The following ENPP3 variants were observed in gnomAD, a reference collection of about 807,000 sequenced individuals.
The protein encoded by ENPP3 is ectonucleotide pyrophosphatase/phosphodiesterase 3, also known as ectonucleotide pyrophosphatase/phosphodiesterase family member 3.
In ENPP3, 104 loss-of-function variants were observed where a neutral mutation model predicts 117.8. The ratio of observed to expected loss-of-function variants is 0.88; its 90% CI spans 0.75 to 1.04. ENPP3 has a LOEUF of 1.04. Among genes scored for constraint, ENPP3 ranks in the 50% least tolerant of loss-of-function variants. ENPP3 has a pLI of 0.00. For synonymous variants in ENPP3, 380 were observed against 349.9 expected, an observed-to-expected ratio of 1.09 and a Z score of -0.96; for missense variants, 1,026 against 1,051.9, an observed-to-expected ratio of 0.98 and a Z score of 0.34.
At chr6:131,682,077 C>T (rs1779033998) in intron 11 of ENPP3, among the ~76,000 whole-genome samples, 1 of 152,156 alleles carries the variant, frequency 6.6e-6, no homozygotes, top group Non-Finnish European at 1.5e-5. Context: ...AGGTGATCCA[C>T]CTGCCTCAGC....
intron 1 of ENPP3, chr6:131,638,522 G>C (rs886916603): frequency 1.1e-5 from 5 of 451,172 alleles, no homozygotes; most frequent in Non-Finnish European, 2.2e-5. Context: ...TCCTGCCTCA[G>C]CCTCCTGAGT....
chr6:131,679,054 T>C (rs1778958839), intron 11 of ENPP3, among the ~76,000 whole-genome samples: 7 of 129,458 alleles, frequency 5.4e-5, no homozygotes, highest in African/African-American at 1.7e-4. Flanking sequence ...TCTTTCTTTC[T>C]TTCTTTCTTT....
In ENPP3 at chr6:131,740,303, C is replaced by G. The variant is rs1453252473; in HGVS notation, c.2380C>G (p.Pro794Ala). 6 of 1,613,276 alleles carry G rather than the reference C, an allele frequency of 3.7e-6. 1 individual carries two copies. The South Asian group carries it at 6.6e-5, about 18-fold the overall frequency. ...CAGTTGTAAAAACAAGAGCCACACA[C>G]CGGAAAACTGCCCTGGGTGGCTGGA... ...LTSCKNKSHTPENCPGWLDVL... is the reference protein window; with the variant it reads ...LTSCKNKSHTAENCPGWLDVL... Residue 794 changes from proline (P) to alanine (A), a missense_variant, in exon 24 of 25, where the codon CCG (proline) becomes GCG (alanine). Coordinates refer to ENST00000357639, the MANE Select transcript of ENPP3 (RefSeq NM_005021.5).
intron 24 of ENPP3, among the ~76,000 whole-genome samples, chr6:131,745,153 A>G (rs995983737): frequency 3.9e-5 from 6 of 151,990 alleles, no homozygotes; most frequent in African/African-American, 9.7e-5. Flanking sequence ...AATGTTATGG[A>G]AAAAAAAGTG....
chr6:131,733,516 G>T, intron 20 of ENPP3, 72 bp from the exon 21 acceptor site: 1 of 1,498,524 alleles, frequency 6.7e-7, no homozygotes, highest in Non-Finnish European at 9.0e-7. Flanking sequence ...TTCTAGGGAA[G>T]TGACAAACCA....
At chr6:131,712,588 G>A (rs1779811606) in intron 15 of ENPP3, among the ~76,000 whole-genome samples, 1 of 129,222 alleles carries the variant, frequency 7.7e-6, no homozygotes, top group Non-Finnish European at 1.5e-5. Context: ...CTGTATCCCA[G>A]CAGTTTCTTT....
chr6:131,688,100 A>G (rs574592573), intron 14 of ENPP3, among the ~76,000 whole-genome samples: 3 of 152,116 alleles, frequency 2.0e-5, no homozygotes, highest in Middle Eastern at 3.4e-3. Flanking sequence ...CAAATTTTTC[A>G]TTATTATTAT....
chr6:131,724,821 A>G (rs539526868), intron 19 of ENPP3, among the ~76,000 whole-genome samples: 1 of 152,268 alleles, frequency 6.6e-6, no homozygotes, highest in African/African-American at 2.4e-5. Context: ...GCATGCAAGT[A>G]AAAGTAAATA....
intron 19 of ENPP3, 141 bp downstream of exon 19, chr6:131,724,232 A>AAAAAAAAAAAAAAC: frequency 1.3e-5 from 8 of 608,758 alleles, no homozygotes; most frequent in African/African-American, 7.9e-5. Context: ...AAGGTAAAAA[A>AAAAAAAAAAAAAAC]AAAAAAACTC....
At chr6:131,687,660 CA>C (rs1272649559) in intron 14 of ENPP3, among the ~76,000 whole-genome samples, 8 of 152,068 alleles carry the variant, frequency 5.3e-5, no homozygotes, top group Admixed American at 5.2e-4. Context: ...AAGCAAAAAA[CA>C]AATAACCCCA....
intron 6 of ENPP3, among the ~76,000 whole-genome samples, chr6:131,667,200 A>G (rs1282258871): frequency 6.6e-6 from 1 of 151,916 alleles, no homozygotes; most frequent in Non-Finnish European, 1.5e-5. Context: ...ATGGTGACTA[A>G]TATGCTACAT....
At chr6:131,680,539 A>G (rs1779001858) in intron 11 of ENPP3, among the ~76,000 whole-genome samples, 1 of 152,194 alleles carries the variant, frequency 6.6e-6, no homozygotes, top group South Asian at 2.1e-4. Flanking sequence ...GAGAAAGCAA[A>G]GAGAGAAAAT....
At chr6:131,743,158 A>G (rs971460871) in intron 24 of ENPP3, among the ~76,000 whole-genome samples, 1 of 152,122 alleles carries the variant, frequency 6.6e-6, no homozygotes, top group African/African-American at 2.4e-5. Flanking sequence ...AAAGATGACT[A>G]AAAATCCAGG....
intron 6 of ENPP3, among the ~76,000 whole-genome samples, chr6:131,664,718 C>A (rs925686006): frequency 2.0e-5 from 3 of 152,152 alleles, no homozygotes; most frequent in Non-Finnish European, 4.4e-5. Context: ...TATACAATTA[C>A]CACTGTGTTA....
At chr6:131,693,691 A>T in intron 15 of ENPP3, 67 bp downstream of exon 15, 2 of 1,467,686 alleles carry the variant, frequency 1.4e-6, no homozygotes, top group Non-Finnish European at 1.9e-6. Context: ...AGTCTACTTA[A>T]CCTTACCCTG....
intron 1 of ENPP3, among the ~76,000 whole-genome samples, chr6:131,638,069 A>G (rs1585602334): frequency 6.6e-6 from 1 of 151,584 alleles, no homozygotes; most frequent in South Asian, 2.1e-4. Flanking sequence ...TTTGCCATCA[A>G]ACTTTTGGGG....
intron 5 of ENPP3, among the ~76,000 whole-genome samples, chr6:131,655,738 C>T (rs530711690): frequency 6.6e-6 from 1 of 152,298 alleles, no homozygotes; most frequent in South Asian, 2.1e-4. Context: ...AATCACTGTC[C>T]ACCTGAGGAT....
chr6:131,654,348 CCAGACTGGACT>C (rs1778336587), intron 5 of ENPP3, among the ~76,000 whole-genome samples: 1 of 151,332 alleles, frequency 6.6e-6, no homozygotes, highest in Admixed American at 6.6e-5. Context: ...ACTATGTTGC[CCAGACTGGACT>C]CGAACTCCTG....
chr6:131,676,888 A>G (rs1042394568), intron 10 of ENPP3, 87 bp downstream of exon 10: 2 of 854,418 alleles, frequency 2.3e-6, no homozygotes, highest in Non-Finnish European at 3.8e-6. Flanking sequence ...TTAAATTACA[A>G]TTTTTGGCTA....
Sources: allele counts gnomAD v4.1 joint callset (sites outside exome capture counted in the v4.1 genomes callset), GRCh38; gene constraint gnomAD v4.1.1; transcripts MANE v1.5; gene names NCBI Gene and HGNC (gene_info 2026-07-23, HGNC 2026-07-21).